The following AGAP1 variants were observed in gnomAD, a reference collection of about 807,000 sequenced individuals.
The protein encoded by AGAP1 is arf-GAP with GTPase, ANK repeat and PH domain-containing protein 1.
A neutral mutation model predicts 105.3 loss-of-function variants in AGAP1; 29 were observed. That is an observed-to-expected ratio of 0.28 (90% CI 0.21 to 0.38). The LOEUF (loss-of-function observed/expected upper bound fraction) is 0.38, where lower values mean the gene tolerates loss of function less well. AGAP1 is among the 10% of genes least tolerant of loss of function. The probability of loss-of-function intolerance (pLI) is 1.00; values close to 1 mark genes in which losing one functional copy is unlikely to be tolerated. For synonymous variants in AGAP1, 509 were observed against 485.9 expected (o/e 1.05, Z -0.63); for missense variants, 998 against 1,165.1 (o/e 0.86, Z 2.09).
At chr2:236,017,768 C>T (rs73121841) in intron 13 of AGAP1, among the ~76,000 whole-genome samples, 3,399 of 152,292 alleles carry the variant, frequency 0.022, 125 homozygotes, top group African/African-American at 0.078. Flanking sequence ...CTCTCTCTTC[C>T]GGCCTCTGGA....
chr2:235,506,788 T>C (rs1253279364), intron 1 of AGAP1, among the ~76,000 whole-genome samples: 2 of 152,170 alleles, frequency 1.3e-5, no homozygotes, highest in East Asian at 3.9e-4. Flanking sequence ...TCCTCTTTCC[T>C]GTGCTGACGG....
chr2:235,654,584 G>A (rs893812056), intron 1 of AGAP1, among the ~76,000 whole-genome samples: 1 of 152,202 alleles, frequency 6.6e-6, no homozygotes. Context: ...ATGTCCCTAT[G>A]TGTCTGTTAG....
chr2:235,643,612 T>C (rs560952642), intron 1 of AGAP1, among the ~76,000 whole-genome samples: 4 of 151,704 alleles, frequency 2.6e-5, no homozygotes, highest in Non-Finnish European at 5.9e-5. Context: ...AACTGTTTAG[T>C]GTTGCCAAGT....
chr2:236,118,874 T>C (rs145341315), intron 16 of AGAP1, among the ~76,000 whole-genome samples: 27 of 152,054 alleles, frequency 1.8e-4, no homozygotes, highest in Middle Eastern at 6.8e-3. Context: ...GAGTCTTGAG[T>C]TTTCAGTATC....
At chr2:236,016,231 G>A (rs1202842414) in intron 13 of AGAP1, among the ~76,000 whole-genome samples, 1 of 152,078 alleles carries the variant, frequency 6.6e-6, no homozygotes, top group Non-Finnish European at 1.5e-5. Context: ...AGAGGGAAAA[G>A]AATAGAAGTT....
In AGAP1 at chr2:235,901,441, A is replaced by T. The variant is rs563066212; in HGVS notation, c.1156-7297A>T. ...AGGAGGAACAAACAAATGTGAAAAC[A>T]TTTACAATATCTTTCCACAGTCCAA... On this transcript the variant is annotated intron_variant, in intron 10 of 17. Transcript: ENST00000304032. The surrounding 1 kb of genome is among the most constrained non-coding windows in gnomAD (Gnocchi z 4.3). Among the ~76,000 whole-genome samples, 1 of 152,320 alleles carries T rather than the reference A, an allele frequency of 6.6e-6. No homozygotes were observed. The highest frequency in any genetic ancestry group is 2.1e-4 in the South Asian group (1 of 4,826).
rs918788806 is a variant in AGAP1 at position 235,549,827 on chromosome 2, G to C, written c.163+54978G>C. ...CAACATCCTAGTTGCATCTCACCGC[G>C]GCCTAACATCCCCGGGAGCATGGGG... On this transcript the variant is annotated intron_variant, in intron 1 of 17. Coordinates refer to ENST00000304032, the MANE Select transcript of AGAP1 (RefSeq NM_001037131.3). This position sits in a 1 kb window ranked among gnomAD's most constrained non-coding sequence, Gnocchi z 4.2. Among the ~76,000 whole-genome samples, 1 of 152,096 alleles carries C rather than the reference G, an allele frequency of 6.6e-6. No homozygotes were observed. The highest frequency in any genetic ancestry group is 1.5e-5 in the Non-Finnish European group (1 of 68,038).
chr2:235,670,209 G>C (rs1948308997), intron 1 of AGAP1: 1 of 577,556 alleles, frequency 1.7e-6, no homozygotes, highest in East Asian at 3.7e-5. Context: ...ACCATGGTCA[G>C]GAAGGAGCAG....
rs1559617216 is a variant in AGAP1 at position 235,893,705 on chromosome 2, G to A, written c.1155+10256G>A. Among the ~76,000 whole-genome samples the A allele has an allele frequency of 6.6e-6, 1 of 152,180 alleles. No individual in the cohort carries two copies. Among genetic ancestry groups the A allele is most frequent in the Non-Finnish European group, 1.5e-5 (1 of 68,036 alleles). On this transcript the variant is annotated intron_variant, in intron 10 of 17. Transcript: ENST00000304032. This position sits in a 1 kb window ranked among gnomAD's most constrained non-coding sequence, Gnocchi z 4.7. Reference sequence around the variant, plus strand: ...GTGTATGTCATTGAGGAGGAGGGCTGTGTTCCCCACAGTCTGCCCAGGGGC... The same window carrying A: ...GTGTATGTCATTGAGGAGGAGGGCTATGTTCCCCACAGTCTGCCCAGGGGC...
At position 235,865,449 on chromosome 2, in the gene AGAP1, A is replaced by G. The variant is rs2049118877; in HGVS notation, c.1051-17896A>G. 6.6e-6 allele frequency among the ~76,000 whole-genome samples: 1 copy of G among 152,194 alleles called. No homozygotes were observed. Among genetic ancestry groups the G allele is most frequent in the Admixed American group, 6.5e-5 (1 of 15,272 alleles). On this transcript the variant is annotated intron_variant, in intron 9 of 17. Coordinates refer to ENST00000304032, the MANE Select transcript of AGAP1 (RefSeq NM_001037131.3). This position sits in a 1 kb window ranked among gnomAD's most constrained non-coding sequence, Gnocchi z 6.2. ...AATCGGGGCTTTATACGATTGCTGG[A>G]GATGCTGACAGCTCAATTAAAGTGT...
chr2:235,592,265 G>C (rs1945370309), intron 1 of AGAP1, among the ~76,000 whole-genome samples: 1 of 152,152 alleles, frequency 6.6e-6, no homozygotes, highest in South Asian at 2.1e-4. Context: ...TTTAATTCTG[G>C]GCACCACGCG....
Position 235,517,932 on chromosome 2 carries a change from CA to C in AGAP1, c.163+23098del, listed in dbSNP as rs765981730. Among the ~76,000 whole-genome samples the C allele has an allele frequency of 7.0e-4, 15 of 21,452 alleles. No individual in the cohort carries two copies. Among genetic ancestry groups the C allele is most frequent in the East Asian group, 1.4e-3 (1 of 712 alleles). The allele number at this position is 21,452 out of a possible 152,430, so 14.1% of individuals were successfully genotyped here. A position where few individuals can be genotyped will look rare whatever the true frequency, so the allele number is the denominator to read the frequency against. ...TGGGTGACAGAGTGAGACTCCGTTT[CA>C]AAAAAAAAAAAAAAGAAAAAAAAAA... On this transcript the variant is annotated intron_variant, in intron 1 of 17. Transcript: ENST00000304032. The surrounding 1 kb of genome is among the most constrained non-coding windows in gnomAD (Gnocchi z 4.1).
At position 235,697,025 on chromosome 2, in the gene AGAP1, G is replaced by A. The variant is rs551852970; in HGVS notation, c.164-12154G>A. Reference sequence around the variant, plus strand: ...AAGTATCCTAACTTTTGTTTCATTCGATTTGCCATTAAGTCCGGTTATTTT... The same window carrying A: ...AAGTATCCTAACTTTTGTTTCATTCAATTTGCCATTAAGTCCGGTTATTTT... On this transcript the variant is annotated intron_variant, in intron 1 of 17. Transcript: ENST00000304032. Among the ~76,000 whole-genome samples, 7 of 152,130 alleles carry A rather than the reference G, an allele frequency of 4.6e-5. No homozygotes were observed. In the East Asian group the frequency reaches 1.4e-3, roughly 29 times the overall value.
In AGAP1 at chr2:235,905,138, A is replaced by G. The variant is rs764662753; in HGVS notation, c.1156-3600A>G. Among the ~76,000 whole-genome samples the G allele has an allele frequency of 6.6e-6, 1 of 152,134 alleles. No homozygotes were observed. Among genetic ancestry groups the G allele is most frequent in the Non-Finnish European group, 1.5e-5 (1 of 68,036 alleles). ...TTTCTATAATAATTTTAAATAAAAT[A>G]TCGTGGTTATTGTATGTTAAAACAT... is the stretch of plus-strand genomic sequence containing the variant. On this transcript the variant is annotated intron_variant, in intron 10 of 17. Coordinates refer to ENST00000304032, the MANE Select transcript of AGAP1 (RefSeq NM_001037131.3). This position sits in a 1 kb window ranked among gnomAD's most constrained non-coding sequence, Gnocchi z 4.2.
intron 1 of AGAP1, among the ~76,000 whole-genome samples, chr2:235,597,861 T>G (rs1574933082): frequency 1.1e-4 from 6 of 52,860 alleles, no homozygotes; most frequent in Non-Finnish European, 1.1e-4. Context: ...CGTGTTTCCT[T>G]TGTGTGGAGC....
intron 1 of AGAP1, among the ~76,000 whole-genome samples, chr2:235,602,878 T>C (rs1945779262): frequency 6.6e-6 from 1 of 152,114 alleles, no homozygotes. Flanking sequence ...ATTTTTGTAT[T>C]TTTAGTAGAG....
At chr2:235,831,110 A>C (rs1353653722) in intron 9 of AGAP1, among the ~76,000 whole-genome samples, 1 of 151,738 alleles carries the variant, frequency 6.6e-6, no homozygotes, top group Non-Finnish European at 1.5e-5. Context: ...TGCTCTCTGC[A>C]CTGATGACAG....
chr2:235,853,582 C>G (rs1341003635), intron 9 of AGAP1, among the ~76,000 whole-genome samples: 1 of 152,124 alleles, frequency 6.6e-6, no homozygotes, highest in Non-Finnish European at 1.5e-5. Context: ...CCAGACCACC[C>G]TATGGTAATT....
intron 9 of AGAP1, among the ~76,000 whole-genome samples, chr2:235,819,434 T>C (rs374011782): frequency 1.3e-5 from 2 of 152,196 alleles, no homozygotes; most frequent in South Asian, 4.2e-4. Context: ...ATTTCTGTGT[T>C]CTCAAGTGAT....
Sources: allele counts gnomAD v4.1 joint callset (sites outside exome capture counted in the v4.1 genomes callset), GRCh38; gene constraint gnomAD v4.1.1; non-coding constraint Gnocchi (gnomAD v3.1); transcripts MANE v1.5; gene names NCBI Gene and HGNC (gene_info 2026-07-23, HGNC 2026-07-21).